Variants in CHMP3 observed in about 807,000 individuals in gnomAD.
CHMP3 encodes 25.1 protein.
CHMP3 carries 8 observed loss-of-function variants against 27.4 expected under a neutral mutation model. The observed-to-expected ratio is 0.29, with a 90% confidence interval of 0.17 to 0.53. CHMP3 has a LOEUF of 0.53. Ranked by LOEUF, CHMP3 falls within the 20% of genes least tolerant of loss-of-function variation. The pLI is 0.96. For synonymous variants in CHMP3, 86 were observed against 85.5 expected (o/e 1.01, Z -0.03); for missense variants, 208 against 271.5 (o/e 0.77, Z 1.64).
Position 86,512,736 on chromosome 2 carries a change from C to T in CHMP3, c.287-2257G>A, listed in dbSNP as rs138692947. ...AAGACCTGAACAGATAACTCACCAA[C>T]ATGATATATTAATATAAATGGCAAG... is the stretch of plus-strand genomic sequence containing the variant. On this transcript the variant is annotated intron_variant, in intron 3 of 5. Transcript: ENST00000263856. 4.6e-5 allele frequency among the ~76,000 whole-genome samples: 7 copies of T among 152,276 alleles called. No homozygotes were observed. The East Asian group carries it at 1.3e-3, about 29-fold the overall frequency.
chr2:86,525,086 T>C (rs1260683802), intron 3 of CHMP3, among the ~76,000 whole-genome samples: 4 of 152,182 alleles, frequency 2.6e-5, no homozygotes, highest in South Asian at 2.1e-4. Flanking sequence ...CTGAATACTA[T>C]GCTGAAACCT....
intron 3 of CHMP3, among the ~76,000 whole-genome samples, chr2:86,528,047 T>C (rs1558650397): frequency 6.6e-6 from 1 of 152,174 alleles, no homozygotes; most frequent in Non-Finnish European, 1.5e-5. Flanking sequence ...ATTTTTTTTT[T>C]ACTCTTTCCC....
chr2:86,517,267 C>G (rs1357289546), intron 3 of CHMP3, among the ~76,000 whole-genome samples: 2 of 152,018 alleles, frequency 1.3e-5, no homozygotes, highest in Non-Finnish European at 2.9e-5. Context: ...AGCAAAATAA[C>G]TAAAAAATTA....
intron 2 of CHMP3, among the ~76,000 whole-genome samples, chr2:86,533,211 T>C (rs958144463): frequency 2.0e-5 from 3 of 152,252 alleles, no homozygotes; most frequent in Non-Finnish European, 4.4e-5. Context: ...TTTATTAACA[T>C]ACAATTGTCC....
At chr2:86,540,435 A>T (rs1290893250) in intron 2 of CHMP3, among the ~76,000 whole-genome samples, 1 of 152,024 alleles carries the variant, frequency 6.6e-6, no homozygotes, top group Non-Finnish European at 1.5e-5. Flanking sequence ...CTTGGGACCA[A>T]ATGTCTTTCA....
chr2:86,511,967 G>C (rs1452618447), intron 3 of CHMP3: 1 of 152,108 alleles, frequency 6.6e-6, no homozygotes, highest in Non-Finnish European at 1.5e-5. Flanking sequence ...AGTCAATGTT[G>C]TAGGAAAAAG....
intron 4 of CHMP3, among the ~76,000 whole-genome samples, chr2:86,508,315 A>T (rs1366489538): frequency 6.6e-6 from 1 of 152,176 alleles, no homozygotes. Context: ...AAATGGCTTT[A>T]ACACTGGCCC....
At chr2:86,555,164 G>C (rs1419385439) in intron 1 of CHMP3, among the ~76,000 whole-genome samples, 1 of 152,058 alleles carries the variant, frequency 6.6e-6, no homozygotes, top group East Asian at 1.9e-4. Flanking sequence ...CTAATATGTT[G>C]TCATAGATTT....
chr2:86,517,251 G>T (rs575967223), intron 3 of CHMP3, among the ~76,000 whole-genome samples: 1 of 152,048 alleles, frequency 6.6e-6, no homozygotes, highest in Non-Finnish European at 1.5e-5. Flanking sequence ...AACAACTAAC[G>T]CTGGAAGCAA....
chr2:86,530,894 G>A (rs551771436), intron 2 of CHMP3, among the ~76,000 whole-genome samples: 29 of 152,224 alleles, frequency 1.9e-4, no homozygotes, highest in African/African-American at 6.5e-4. Flanking sequence ...GTATGAGGTC[G>A]TTTTGATTTG....
chr2:86,544,735 T>A (rs932630718), intron 1 of CHMP3, among the ~76,000 whole-genome samples: 1 of 152,226 alleles, frequency 6.6e-6, no homozygotes, highest in Non-Finnish European at 1.5e-5. Flanking sequence ...GTCTCCTATG[T>A]CTACTTCTTT....
chr2:86,553,047 G>C (rs1266146105), intron 1 of CHMP3, among the ~76,000 whole-genome samples: 1 of 150,098 alleles, frequency 6.7e-6, no homozygotes, highest in Admixed American at 6.7e-5. Context: ...ATGGGGGATG[G>C]TGGGGGAGGA....
At chr2:86,510,190 T>C (rs552708254) in intron 4 of CHMP3, among the ~76,000 whole-genome samples, 168 bp downstream of exon 4, 1 of 152,320 alleles carries the variant, frequency 6.6e-6, no homozygotes, top group African/African-American at 2.4e-5. Context: ...GCCTCTGCTA[T>C]GCTGAGCTCA....
intron 2 of CHMP3, among the ~76,000 whole-genome samples, chr2:86,530,973 T>C (rs1460820526): frequency 6.6e-6 from 1 of 152,238 alleles, no homozygotes; most frequent in Non-Finnish European, 1.5e-5. Context: ...ACAGCTTATT[T>C]GGAGAAATTC....
intron 2 of CHMP3, among the ~76,000 whole-genome samples, chr2:86,536,186 G>C (rs1214438981): frequency 6.6e-6 from 1 of 150,888 alleles, no homozygotes; most frequent in Non-Finnish European, 1.5e-5. Context: ...TTTTAGTAGA[G>C]ACGGGGTTTC....
intron 1 of CHMP3, among the ~76,000 whole-genome samples, chr2:86,557,940 G>A (rs1387967216): frequency 1.3e-5 from 2 of 151,974 alleles, no homozygotes; most frequent in African/African-American, 4.8e-5. Context: ...CCAATCCAAC[G>A]CACACCAAAA....
chr2:86,554,189 C>T (rs144017584), intron 1 of CHMP3, among the ~76,000 whole-genome samples: 206 of 152,292 alleles, frequency 1.4e-3, no homozygotes, highest in African/African-American at 4.6e-3. Flanking sequence ...CCTTAATCAC[C>T]GACTTCCTGG....
At chr2:86,510,275 C>A in intron 4 of CHMP3, 83 bp downstream of exon 4, 88 of 1,052,344 alleles carry the variant, frequency 8.4e-5, no homozygotes, top group Non-Finnish European at 1.1e-4. Context: ...TTCATCCCCA[C>A]CCACCCTCAT....
At chr2:86,526,510 A>G (rs922128129) in intron 3 of CHMP3, among the ~76,000 whole-genome samples, 1 of 152,208 alleles carries the variant, frequency 6.6e-6, no homozygotes, top group Non-Finnish European at 1.5e-5. Context: ...TTACTTAGCA[A>G]TTCTACTTCT....
Sources: gnomAD v4.1 joint callset for allele counts (sites outside exome capture counted in the v4.1 genomes callset) on GRCh38, gnomAD v4.1.1 for gene constraint, MANE v1.5 for transcripts, NCBI Gene and HGNC (gene_info 2026-07-23, HGNC 2026-07-21) for gene names.